GALNT9: variants seen among roughly 807,000 people sequenced by gnomAD.
GALNT9 encodes GalNAc transferase 9.
In GALNT9, 47 loss-of-function variants were observed where a neutral mutation model predicts 63.1. The ratio of observed to expected loss-of-function variants is 0.75; its 90% CI spans 0.59 to 0.95. The LOEUF is 0.95. GALNT9 is among the 40% of genes least tolerant of loss of function. The probability of loss-of-function intolerance (pLI) is 0.00; values close to 1 mark genes in which losing one functional copy is unlikely to be tolerated. For missense variants in GALNT9, 829 were observed against 874.8 expected (o/e 0.95, Z 0.66); for synonymous variants, 396 against 365.7 (o/e 1.08, Z -0.94).
intron 6 of GALNT9, among the ~76,000 whole-genome samples, chr12:132,241,069 C>A (rs1878303102): frequency 1.4e-5 from 2 of 138,216 alleles, no homozygotes; most frequent in African/African-American, 5.7e-5. Flanking sequence ...CCATTACACA[C>A]ACGCCACACA....
chr12:132,321,651 C>T (rs941070298), intron 1 of GALNT9, among the ~76,000 whole-genome samples: 1 of 152,134 alleles, frequency 6.6e-6, no homozygotes, highest in African/African-American at 2.4e-5. Flanking sequence ...CCCAGCACTT[C>T]CCCCGGATTC....
In GALNT9 at chr12:132,286,203, C is replaced by T. The variant is rs1270754228; in HGVS notation, c.419+47G>A. 63 of 1,517,088 alleles carry T rather than the reference C, an allele frequency of 4.2e-5. No homozygotes were observed. The highest frequency in any genetic ancestry group is 2.8e-4 in the African/African-American group (20 of 71,990). The allele number at this position is 1,517,088 out of a possible 1,614,324, so 94.0% of individuals were successfully genotyped here. A position where few individuals can be genotyped will look rare whatever the true frequency, so the allele number is the denominator to read the frequency against. On this transcript the variant is annotated intron_variant, in intron 2 of 10. Transcript: ENST00000328957. This position sits in a 1 kb window ranked among gnomAD's most constrained non-coding sequence, Gnocchi z 7.4. ...TTCCCTGGCCAGTGTGGGGGGCGGT[C>T]ACTTCCTCGGCGGGCGTCGGGGGAT...
intron 6 of GALNT9, chr12:132,240,490 C>G (rs2136898341): frequency 7.5e-6 from 3 of 401,732 alleles, no homozygotes; most frequent in Non-Finnish European, 1.5e-5. Context: ...CCAGCTCGGA[C>G]CCCGGGCGGC....
intron 6 of GALNT9, among the ~76,000 whole-genome samples, chr12:132,226,653 T>G (rs1877701852): frequency 1.1e-5 from 1 of 87,206 alleles, no homozygotes; most frequent in Admixed American, 1.5e-4. Context: ...TGCACCCCCA[T>G]ATACACACCC....
At chr12:132,250,119 C>T (rs1878852001) in intron 5 of GALNT9, among the ~76,000 whole-genome samples, 1 of 152,202 alleles carries the variant, frequency 6.6e-6, no homozygotes, top group African/African-American at 2.4e-5. Flanking sequence ...GTGGAAGGAG[C>T]GAGGCTGACA....
chr12:132,260,844 CG>C, intron 4 of GALNT9, 103 bp downstream of exon 4: 10 of 1,417,266 alleles, frequency 7.1e-6, no homozygotes, highest in Non-Finnish European at 9.2e-6. Context: ...CTCCCAGCCC[CG>C]GGGCCAACCC....
intron 9 of GALNT9, 140 bp from the exon 10 acceptor site, chr12:132,198,099 G>A: frequency 1.4e-6 from 1 of 702,676 alleles, no homozygotes; most frequent in African/African-American, 1.8e-5. Context: ...CGGGGACGCT[G>A]TTGCGGGCGG....
At chr12:132,239,761 G>C (rs112278935) in intron 6 of GALNT9, among the ~76,000 whole-genome samples, 232 of 152,220 alleles carry the variant, frequency 1.5e-3, no homozygotes, top group African/African-American at 5.3e-3. Context: ...GAGACATGGA[G>C]AGAATGAGGC....
At chr12:132,239,631 GAGACAGAGTCAGAGAC>G (rs1422026517) in intron 6 of GALNT9, among the ~76,000 whole-genome samples, 63 of 86,190 alleles carry the variant, frequency 7.3e-4, no homozygotes, top group African/African-American at 3.4e-3. Flanking sequence ...GAGAGACAGA[GAGACAGAGTCAGAGAC>G]AGAGTCAGAG....
At chr12:132,290,411 G>A (rs1276572111) in intron 1 of GALNT9, among the ~76,000 whole-genome samples, 2 of 152,128 alleles carry the variant, frequency 1.3e-5, no homozygotes, top group African/African-American at 4.8e-5. Context: ...TGTGTCTTGG[G>A]GTGATGGGCA....
At chr12:132,226,055 CCA>C (rs1480008058) in intron 6 of GALNT9, among the ~76,000 whole-genome samples, 1 of 148,310 alleles carries the variant, frequency 6.7e-6, no homozygotes, top group African/African-American at 2.5e-5. Context: ...TACACACACC[CCA>C]CACTGTACAT....
chr12:132,320,985 C>T (rs1463081279), intron 1 of GALNT9, among the ~76,000 whole-genome samples: 2 of 152,212 alleles, frequency 1.3e-5, no homozygotes, highest in Non-Finnish European at 2.9e-5. Flanking sequence ...AGGCGGTCGA[C>T]GCCACAGTCA....
In GALNT9 at chr12:132,286,297, G is replaced by T; in HGVS notation, c.372C>A (p.Ser124Arg). Residue 124 changes from serine (S) to arginine (R), a missense_variant, in exon 2 of 11, where the codon AGC becomes AGA. Transcript: ENST00000328957. This position sits in a 1 kb window ranked among gnomAD's most constrained non-coding sequence, Gnocchi z 7.4. ...TGCTCCGATCGAGGGAGATGCGGTC[G>T]CTGAGCTGAGCGTTGTAGCCGTACT... Reference protein sequence around the residue: ...YEEYGYNAQLSDRISLDRSIP... With the variant: ...YEEYGYNAQLRDRISLDRSIP... 1 of 1,551,208 alleles carries T rather than the reference G, an allele frequency of 6.4e-7. No individual in the cohort carries two copies. Among genetic ancestry groups the T allele is most frequent in the Middle Eastern group, 1.7e-4 (1 of 5,992 alleles).
chr12:132,326,512 G>C (rs34885976), intron 1 of GALNT9, among the ~76,000 whole-genome samples: 30,527 of 152,146 alleles, frequency 0.2, 3,257 homozygotes, highest in East Asian at 0.26. Flanking sequence ...CGGAGGCAGG[G>C]TGTGGGAAGA....
At chr12:132,204,666 G>A (rs3935243) in intron 6 of GALNT9, among the ~76,000 whole-genome samples, 8,873 of 152,098 alleles carry the variant, frequency 0.058, 884 homozygotes, top group African/African-American at 0.2. Context: ...TCACAGCTAA[G>A]CCCACGTCCC....
chr12:132,303,734 C>G (rs1411864649), intron 1 of GALNT9, among the ~76,000 whole-genome samples: 1 of 91,320 alleles, frequency 1.1e-5, no homozygotes, highest in African/African-American at 4.4e-5. Context: ...CACCCTCACC[C>G]AGACACACCC....
chr12:132,198,030 T>C lies in GALNT9; in HGVS notation c.1498-71A>G, dbSNP rs1204014582. On this transcript the variant is annotated intron_variant, in intron 9 of 10. Coordinates refer to ENST00000328957, the MANE Select transcript of GALNT9 (RefSeq NM_001122636.2). ...CTCCCCAGTGAGCACTGACAGGCCG[T>C]GCGAGCTGCCTTGAGCTGCAAACGG... The C allele has an allele frequency of 3.8e-6, 5 of 1,320,298 alleles. No individual in the cohort carries two copies. The East Asian group carries it at 1.2e-4, about 32-fold the overall frequency. The allele number at this position is 1,320,298 out of a possible 1,614,324, so 81.8% of individuals were successfully genotyped here.
chr12:132,266,820 C>T (rs936333259), intron 2 of GALNT9, among the ~76,000 whole-genome samples: 3 of 152,214 alleles, frequency 2.0e-5, no homozygotes, highest in Admixed American at 1.3e-4. Flanking sequence ...TGGCTGCTCT[C>T]GGCATTGCTG....
chr12:132,290,904 G>A (rs1172472067), intron 1 of GALNT9, among the ~76,000 whole-genome samples: 11 of 27,892 alleles, frequency 3.9e-4, no homozygotes, highest in East Asian at 1.9e-3. Context: ...CAGCACCCAC[G>A]TCCACAGCAC....
Sources: allele counts gnomAD v4.1 joint callset (sites outside exome capture counted in the v4.1 genomes callset), GRCh38; gene constraint gnomAD v4.1.1; non-coding constraint Gnocchi (gnomAD v3.1); transcripts MANE v1.5; gene names NCBI Gene and HGNC (gene_info 2026-07-23, HGNC 2026-07-21).